TMEM178B: variants seen among roughly 807,000 people sequenced by gnomAD.
TMEM178B encodes transmembrane protein 178B.
TMEM178B carries 5 observed loss-of-function variants against 31.0 expected under a neutral mutation model. The ratio of observed to expected loss-of-function variants is 0.16; its 90% CI spans 0.08 to 0.34. The LOEUF (loss-of-function observed/expected upper bound fraction) is 0.34, where lower values mean the gene tolerates loss of function less well. Ranked by LOEUF, TMEM178B falls within the 10% of genes least tolerant of loss-of-function variation. TMEM178B has a pLI of 1.00. For missense variants in TMEM178B, 275 were observed against 400.3 expected (o/e 0.69, Z 2.67); for synonymous variants, 164 against 164.0 (o/e 1.00, Z 0.00).
At chr7:141,085,176 T>A (rs1007855567) in intron 1 of TMEM178B, among the ~76,000 whole-genome samples, 4 of 97,552 alleles carry the variant, frequency 4.1e-5, no homozygotes, top group Admixed American at 1.2e-4. Flanking sequence ...TTTTTTTTTT[T>A]AGTAGAGATG....
intron 1 of TMEM178B, among the ~76,000 whole-genome samples, chr7:141,157,636 A>G (rs535104041): frequency 6.6e-6 from 1 of 152,194 alleles, no homozygotes; most frequent in Non-Finnish European, 1.5e-5. Context: ...TCTTACTCAA[A>G]AAAACTTTTA....
intron 2 of TMEM178B, among the ~76,000 whole-genome samples, chr7:141,287,684 C>A (rs1436067922): frequency 6.6e-6 from 1 of 152,194 alleles, no homozygotes; most frequent in African/African-American, 2.4e-5. Flanking sequence ...AGGTCTCTGG[C>A]ATCTCTTTGA....
rs531471169 is a variant in TMEM178B at position 141,074,561 on chromosome 7, A to G, written c.251A>G (p.Asn84Ser). The G allele has an allele frequency of 6.5e-4, 1,004 of 1,535,954 alleles. 12 individuals are homozygous for G. Among genetic ancestry groups the G allele is most frequent in the Non-Finnish European group, 3.2e-4 (371 of 1,146,772 alleles). ...RWEGKLLRARNRRQLFAMSPA... is the reference protein window; with the variant it reads ...RWEGKLLRARSRRQLFAMSPA... ...GAGGGCAAACTCCTCCGGGCCCGGA[A>G]TCGCCGGCAGCTGTTCGCCATGAGC... is the stretch of plus-strand genomic sequence containing the variant. Residue 84 changes from asparagine to serine, a missense_variant, in exon 1 of 4, where the codon AAT becomes AGT. Physicochemically the swap from Asn to Ser is conservative, Grantham distance 46. Coordinates refer to ENST00000565468, the MANE Select transcript of TMEM178B (RefSeq NM_001195278.2). This position sits in a 1 kb window ranked among gnomAD's most constrained non-coding sequence, Gnocchi z 5.1.
At chr7:141,281,732 T>TG (rs1042753690) in intron 2 of TMEM178B, among the ~76,000 whole-genome samples, 3 of 151,802 alleles carry the variant, frequency 2.0e-5, no homozygotes, top group African/African-American at 7.3e-5. Flanking sequence ...AGTTTTCTAG[T>TG]GGGGGGAGAT....
Position 141,074,227 on chromosome 7 carries a change from C to A in TMEM178B, c.-84C>A. The stretch of plus-strand genomic sequence containing the variant: ...TCTCCTGCCCCCTCCCCCAGCTCGG[C>A]CGCCCGCCGCTTTGTTCCGGGTGCG... On this transcript the variant is annotated 5_prime_UTR_variant, in exon 1 of 4. Coordinates refer to ENST00000565468, the MANE Select transcript of TMEM178B (RefSeq NM_001195278.2). This position sits in a 1 kb window ranked among gnomAD's most constrained non-coding sequence, Gnocchi z 5.1. The A allele has an allele frequency of 7.0e-7, 1 of 1,435,276 alleles. No individual in the cohort carries two copies. The highest frequency in any genetic ancestry group is 9.1e-7 in the Non-Finnish European group (1 of 1,097,868). 88.9% of individuals were successfully genotyped at this position (1,435,276 alleles called of 1,614,324 possible).
chr7:141,354,863 T>G (rs1396095061), intron 2 of TMEM178B, among the ~76,000 whole-genome samples: 1 of 152,244 alleles, frequency 6.6e-6, no homozygotes, highest in African/African-American at 2.4e-5. Context: ...AGGACTCCAG[T>G]GTCTTCTGAC....
At position 141,461,936 on chromosome 7, in the gene TMEM178B, C is replaced by T. The variant is rs1365839075; in HGVS notation, c.635-8600C>T. 6.6e-6 allele frequency among the ~76,000 whole-genome samples: 1 copy of T among 152,152 alleles called. No individual in the cohort carries two copies. The highest frequency in any genetic ancestry group is 2.4e-5 in the African/African-American group (1 of 41,414). On this transcript the variant is annotated intron_variant, in intron 3 of 3. Coordinates refer to ENST00000565468, the MANE Select transcript of TMEM178B (RefSeq NM_001195278.2). The surrounding 1 kb of genome is among the most constrained non-coding windows in gnomAD (Gnocchi z 4.0). ...GTTCCCTGGTGACATTTCAGGGTGG[C>T]AAAAATTAGCTGCTCCCCAACAGTG...
At chr7:141,289,466 A>G (rs535746198) in intron 2 of TMEM178B, among the ~76,000 whole-genome samples, 248 of 152,294 alleles carry the variant, frequency 1.6e-3, no homozygotes, top group African/African-American at 5.6e-3. Flanking sequence ...CTATAATCCC[A>G]GCATTTTGGG....
At chr7:141,207,833 G>A (rs1246262560) in intron 1 of TMEM178B, among the ~76,000 whole-genome samples, 1 of 152,096 alleles carries the variant, frequency 6.6e-6, no homozygotes, top group Non-Finnish European at 1.5e-5. Flanking sequence ...GAGGTGGAAG[G>A]ATCACTTGAG....
chr7:141,138,029 G>A (rs1311794043), intron 1 of TMEM178B, among the ~76,000 whole-genome samples: 3 of 151,684 alleles, frequency 2.0e-5, no homozygotes, highest in South Asian at 4.2e-4. Context: ...GGCTTAAGGT[G>A]CTCTTATTTT....
intron 1 of TMEM178B, among the ~76,000 whole-genome samples, chr7:141,095,036 T>C (rs1438551470): frequency 2.0e-5 from 3 of 152,224 alleles, no homozygotes; most frequent in African/African-American, 7.2e-5. Context: ...AAAACCTTCC[T>C]TTCTTGGAAA....
At chr7:141,465,567 G>A (rs1374296763) in intron 3 of TMEM178B, among the ~76,000 whole-genome samples, 6 of 152,144 alleles carry the variant, frequency 3.9e-5, no homozygotes, top group South Asian at 2.1e-4. Flanking sequence ...ATATCATTAC[G>A]TAAACTGTCA....
intron 1 of TMEM178B, among the ~76,000 whole-genome samples, chr7:141,114,744 C>A (rs569472767): frequency 6.6e-6 from 1 of 152,348 alleles, no homozygotes; most frequent in East Asian, 1.9e-4. Flanking sequence ...TCCCAGATAA[C>A]CTACTGCATA....
chr7:141,423,811 T>TTG (rs796638085), intron 2 of TMEM178B, among the ~76,000 whole-genome samples: 3 of 148,188 alleles, frequency 2.0e-5, no homozygotes, highest in African/African-American at 7.5e-5. Flanking sequence ...TTGTGTTTTT[T>TTG]TTTTTTTTTT....
chr7:141,458,874 G>GCACA (rs920794346), intron 3 of TMEM178B, among the ~76,000 whole-genome samples: 2 of 151,654 alleles, frequency 1.3e-5, no homozygotes, highest in African/African-American at 4.8e-5. Flanking sequence ...CTGTGCGCAC[G>GCACA]CACACACACA....
chr7:141,439,617 A>G (rs988125320), intron 3 of TMEM178B, among the ~76,000 whole-genome samples: 2 of 152,200 alleles, frequency 1.3e-5, no homozygotes, highest in African/African-American at 4.8e-5. Flanking sequence ...CTCTGTTTGT[A>G]GTGAGTGTTC....
intron 1 of TMEM178B, among the ~76,000 whole-genome samples, chr7:141,089,488 G>A (rs997924495): frequency 2.6e-5 from 4 of 151,278 alleles, no homozygotes; most frequent in African/African-American, 9.9e-5. Flanking sequence ...AATACCATTT[G>A]AGCCAGCCAT....
chr7:141,495,867 G>T, the TMEM178B span, among the ~76,000 whole-genome samples: 2 of 152,216 alleles, frequency 1.3e-5, no homozygotes, highest in Non-Finnish European at 2.9e-5. Context: ...ATGTGAGTTT[G>T]TCCTTAGACA....
intron 1 of TMEM178B, among the ~76,000 whole-genome samples, chr7:141,205,178 A>G (rs945778269): frequency 5.9e-5 from 9 of 152,182 alleles, no homozygotes; most frequent in Admixed American, 4.6e-4. Context: ...ATAAAAAAGG[A>G]TTTGGGAATA....
Sources: allele counts gnomAD v4.1 joint callset (sites outside exome capture counted in the v4.1 genomes callset), GRCh38; gene constraint gnomAD v4.1.1; non-coding constraint Gnocchi (gnomAD v3.1); transcripts MANE v1.5; gene names NCBI Gene and HGNC (gene_info 2026-07-23, HGNC 2026-07-21).